SGMS2: variants seen among roughly 807,000 people sequenced by gnomAD.
SGMS2 encodes the protein phosphatidylcholine:ceramide cholinephosphotransferase 2.
A neutral mutation model predicts 43.8 loss-of-function variants in SGMS2; 21 were observed. The ratio of observed to expected loss-of-function variants is 0.48; its 90% CI spans 0.34 to 0.69. SGMS2 has a LOEUF of 0.69. Ranked by LOEUF, SGMS2 falls within the 30% of genes least tolerant of loss-of-function variation. SGMS2 has a pLI of 0.01. For missense variants in SGMS2, 384 were observed against 443.2 expected, an observed-to-expected ratio of 0.87 and a Z score of 1.20; for synonymous variants, 167 against 160.6, an observed-to-expected ratio of 1.04 and a Z score of -0.30.
intron 1 of SGMS2, among the ~76,000 whole-genome samples, chr4:107,858,122 T>G (rs1727529566): frequency 6.6e-6 from 1 of 152,108 alleles, no homozygotes; most frequent in Admixed American, 6.5e-5. Context: ...CTGACTGACT[T>G]TTTTGAGTGA....
chr4:107,848,520 T>A (rs923041268), intron 1 of SGMS2, among the ~76,000 whole-genome samples: 4 of 152,158 alleles, frequency 2.6e-5, no homozygotes, highest in Non-Finnish European at 4.4e-5. Context: ...GGTGGATTAT[T>A]TTGCATTCCC....
intron 1 of SGMS2, among the ~76,000 whole-genome samples, chr4:107,842,459 G>A (rs974096944): frequency 2.2e-4 from 33 of 152,158 alleles, no homozygotes; most frequent in Admixed American, 1.8e-3. Flanking sequence ...GGATGGTGCC[G>A]AACCAATTCA....
chr4:107,894,812 G>A (rs1730526054), intron 2 of SGMS2, among the ~76,000 whole-genome samples: 1 of 150,980 alleles, frequency 6.6e-6, no homozygotes, highest in South Asian at 2.1e-4. Context: ...AAAGACTTCT[G>A]TTTTTTAATT....
intron 2 of SGMS2, among the ~76,000 whole-genome samples, chr4:107,879,172 A>AT: frequency 6.6e-6 from 1 of 150,406 alleles, no homozygotes. Context: ...CTCTTAGTAA[A>AT]TTTTGATGAA....
intron 1 of SGMS2, among the ~76,000 whole-genome samples, chr4:107,852,939 A>G (rs1437462397): frequency 6.6e-6 from 1 of 152,120 alleles, no homozygotes; most frequent in Non-Finnish European, 1.5e-5. Context: ...CACTTCTTTG[A>G]GTTTCTTTTC....
intron 4 of SGMS2, among the ~76,000 whole-genome samples, chr4:107,901,183 A>G (rs1177189644): frequency 6.6e-6 from 1 of 152,194 alleles, no homozygotes. Context: ...CTCTAGTAAC[A>G]TCCTTACTAA....
intron 2 of SGMS2, among the ~76,000 whole-genome samples, chr4:107,892,655 C>T (rs6533325): frequency 0.44 from 67,576 of 151,890 alleles, 15,622 homozygotes; most frequent in East Asian, 0.72. Flanking sequence ...AACATTGGTT[C>T]GGTCCGGAAA....
intron 1 of SGMS2, among the ~76,000 whole-genome samples, chr4:107,827,372 G>GT (rs1645649730): frequency 6.6e-6 from 1 of 152,158 alleles, no homozygotes; most frequent in Non-Finnish European, 1.5e-5. Context: ...TTATAGTCCA[G>GT]TAGAGACCTC....
chr4:107,863,527 A>G (rs530363525), intron 2 of SGMS2: 1 of 152,196 alleles, frequency 6.6e-6, no homozygotes, highest in Admixed American at 6.5e-5. Context: ...CAATCATAGA[A>G]ATTTTAACCA....
At chr4:107,852,931 CTTCT>C (rs1560638823) in intron 1 of SGMS2, among the ~76,000 whole-genome samples, 1 of 152,138 alleles carries the variant, frequency 6.6e-6, no homozygotes, top group African/African-American at 2.4e-5. Flanking sequence ...TGGTATCTCA[CTTCT>C]TTGAGTTTCT....
rs1450371528 is a variant in SGMS2 at position 107,910,582 on chromosome 4, A to G, written c.*29A>G. The G allele has an allele frequency of 6.2e-7, 1 of 1,601,820 alleles. No individual in the cohort carries two copies. Among genetic ancestry groups the G allele is most frequent in the African/African-American group, 1.3e-5 (1 of 74,578 alleles). ...GCAAAACAAAGGCATCAGCTCTTACACCAAAAGAGTTAACGCTGTAACCAA... is the reference window on the plus strand; with the variant it reads ...GCAAAACAAAGGCATCAGCTCTTACGCCAAAAGAGTTAACGCTGTAACCAA... On this transcript the variant is annotated 3_prime_UTR_variant, in exon 7 of 7. Coordinates refer to ENST00000690982, the MANE Select transcript of SGMS2 (RefSeq NM_001375905.1).
At chr4:107,896,565 A>G (rs1730688138) in intron 3 of SGMS2, among the ~76,000 whole-genome samples, 1 of 152,058 alleles carries the variant, frequency 6.6e-6, no homozygotes, top group Non-Finnish European at 1.5e-5. Context: ...TCTAGTTACA[A>G]GTGTTTAAGA....
intron 2 of SGMS2, among the ~76,000 whole-genome samples, chr4:107,878,673 C>G (rs1729110738): frequency 6.6e-6 from 1 of 152,212 alleles, no homozygotes; most frequent in African/African-American, 2.4e-5. Flanking sequence ...ATTATTAAAG[C>G]GACTTCCCAT....
intron 5 of SGMS2, among the ~76,000 whole-genome samples, chr4:107,905,854 G>A (rs1294462207): frequency 6.6e-6 from 1 of 152,164 alleles, no homozygotes; most frequent in Non-Finnish European, 1.5e-5. Flanking sequence ...TTTAATGAAG[G>A]CCTCTCAGTA....
intron 4 of SGMS2, among the ~76,000 whole-genome samples, chr4:107,900,173 A>G (rs141710558): frequency 1.9e-4 from 29 of 152,238 alleles, no homozygotes; most frequent in Middle Eastern, 3.4e-3. Context: ...TGAGGGTTCT[A>G]TTTGATATAG....
chr4:107,895,095 C>A (rs1730555578), intron 2 of SGMS2, among the ~76,000 whole-genome samples: 1 of 152,120 alleles, frequency 6.6e-6, no homozygotes, highest in South Asian at 2.1e-4. Flanking sequence ...CTATTTCTAC[C>A]AATACTAGCT....
chr4:107,850,360 A>G (rs370732955), intron 1 of SGMS2, among the ~76,000 whole-genome samples: 2 of 152,176 alleles, frequency 1.3e-5, no homozygotes, highest in South Asian at 2.1e-4. Context: ...CATTTCCCTT[A>G]TACTTTTTTG....
intron 1 of SGMS2, among the ~76,000 whole-genome samples, chr4:107,829,864 C>G (rs1725789829): frequency 6.6e-6 from 1 of 152,084 alleles, no homozygotes; most frequent in South Asian, 2.1e-4. Context: ...ATGAGCCACC[C>G]TTGTCAGCCA....
intron 2 of SGMS2, among the ~76,000 whole-genome samples, chr4:107,877,913 C>CTTT (rs774442653): frequency 0.025 from 2,504 of 102,136 alleles, 168 homozygotes; most frequent in African/African-American, 0.091. Flanking sequence ...TTTTTCTTTT[C>CTTT]TTTTTTTTTT....
Sources: allele counts gnomAD v4.1 joint callset (sites outside exome capture counted in the v4.1 genomes callset), GRCh38; gene constraint gnomAD v4.1.1; transcripts MANE v1.5; gene names NCBI Gene and HGNC (gene_info 2026-07-23, HGNC 2026-07-21).